The following GCM1 variants were observed in gnomAD, a reference collection of about 807,000 sequenced individuals.
The protein encoded by GCM1 is chorion-specific transcription factor GCMa.
In GCM1, 2 loss-of-function variants were observed where a neutral mutation model predicts 25.7. That is an observed-to-expected ratio of 0.08 (90% confidence interval 0.03 to 0.24). The LOEUF (loss-of-function observed/expected upper bound fraction) is 0.24, where lower values mean the gene tolerates loss of function less well. Ranked by LOEUF, GCM1 falls within the 10% of genes least tolerant of loss-of-function variation. The pLI is 1.00. For synonymous variants in GCM1, 183 were observed against 195.7 expected (o/e 0.94, Z 0.54); for missense variants, 395 against 538.7 (o/e 0.73, Z 2.64).
intron 4 of GCM1, among the ~76,000 whole-genome samples, chr6:53,131,682 AAGTC>A (rs1426130024): frequency 1.3e-5 from 2 of 152,108 alleles, no homozygotes; most frequent in African/African-American, 2.4e-5. Context: ...ACCGAGTAAA[AAGTC>A]AGAGCTGGTG....
chr6:53,135,384 T>C (rs1763783950), intron 2 of GCM1, among the ~76,000 whole-genome samples: 1 of 152,232 alleles, frequency 6.6e-6, no homozygotes, highest in African/African-American at 2.4e-5. Flanking sequence ...GTGCCTCTGT[T>C]TCTTCATCTG....
intron 2 of GCM1, among the ~76,000 whole-genome samples, chr6:53,145,084 A>T (rs2127511137): frequency 6.6e-6 from 1 of 152,312 alleles, no homozygotes; most frequent in Admixed American, 6.5e-5. Flanking sequence ...AGGAAAAAGA[A>T]AAAAGGAAGA....
At chr6:53,142,417 GGTGA>G (rs1763888986) in intron 2 of GCM1, among the ~76,000 whole-genome samples, 1 of 152,164 alleles carries the variant, frequency 6.6e-6, no homozygotes, top group Admixed American at 6.5e-5. Flanking sequence ...TGCACAGGAT[GGTGA>G]AAAAGACTCC....
At chr6:53,141,469 C>T (rs972247793) in intron 2 of GCM1, among the ~76,000 whole-genome samples, 7 of 151,968 alleles carry the variant, frequency 4.6e-5, no homozygotes, top group South Asian at 2.1e-4. Context: ...GGGTGGATCA[C>T]GAGGTCGGGA....
At position 53,142,870 on chromosome 6, in the gene GCM1, C is replaced by CAAAAAAAA. The variant is rs60718730; in HGVS notation, c.75+2680_75+2687dup. 6.7e-4 allele frequency among the ~76,000 whole-genome samples: 25 copies of CAAAAAAAA among 37,534 alleles called. 2 individuals are homozygous for CAAAAAAAA. The highest frequency in any genetic ancestry group is 1.8e-3 in the East Asian group (3 of 1,652). The allele number at this position is 37,534 out of a possible 152,430, so 24.6% of individuals were successfully genotyped here. ...AAAAGGTAAACAACTCAAGGATCTC[C>CAAAAAAAA]AAAAAAAAAAAAAAAAAAAAAAAAA... On this transcript the variant is annotated intron_variant, in intron 2 of 5. Coordinates refer to ENST00000259803, the MANE Select transcript of GCM1 (RefSeq NM_003643.4).
chr6:53,142,696 A>G (rs540277886), intron 2 of GCM1, among the ~76,000 whole-genome samples: 4 of 152,284 alleles, frequency 2.6e-5, no homozygotes, highest in South Asian at 2.1e-4. Context: ...AATGAATTCC[A>G]TATTCAACAT....
chr6:53,134,022 G>T, intron 3 of GCM1, 50 bp downstream of exon 3: 5 of 1,558,040 alleles, frequency 3.2e-6, no homozygotes, highest in Middle Eastern at 1.8e-4. Flanking sequence ...TCTGGCAGGG[G>T]CATCTGAGGG....
chr6:53,148,304 C>A (rs1763994938), intron 1 of GCM1, among the ~76,000 whole-genome samples: 1 of 151,996 alleles, frequency 6.6e-6, no homozygotes, highest in Non-Finnish European at 1.5e-5. Flanking sequence ...AAAACCTTGG[C>A]AAATAAGATT....
chr6:53,131,904 A>T (rs748638444), intron 4 of GCM1, 103 bp downstream of exon 4: 60 of 740,164 alleles, frequency 8.1e-5, no homozygotes, highest in Non-Finnish European at 1.3e-4. Flanking sequence ...TTAGAGTGTG[A>T]GCCCTCGGGG....
At chr6:53,141,379 T>C (rs1763870829) in intron 2 of GCM1, among the ~76,000 whole-genome samples, 1 of 152,152 alleles carries the variant, frequency 6.6e-6, no homozygotes, top group African/African-American at 2.4e-5. Flanking sequence ...GCAACTGGTA[T>C]TTGGGTAATC....
intron 2 of GCM1, among the ~76,000 whole-genome samples, chr6:53,144,774 G>C (rs1763929223): frequency 6.6e-6 from 1 of 151,996 alleles, no homozygotes; most frequent in Admixed American, 6.6e-5. Flanking sequence ...AATTAGCTGG[G>C]CTTGTTGGCG....
chr6:53,142,082 A>G (rs547234877), intron 2 of GCM1, among the ~76,000 whole-genome samples: 1 of 149,646 alleles, frequency 6.7e-6, no homozygotes, highest in Non-Finnish European at 1.5e-5. Flanking sequence ...AGGAGAGAGA[A>G]AGAAACTTGA....
intron 2 of GCM1, among the ~76,000 whole-genome samples, chr6:53,138,776 G>A (rs2816339): frequency 0.67 from 101,334 of 151,912 alleles, 34,549 homozygotes; most frequent in Non-Finnish European, 0.73. Context: ...TCACTGGGGG[G>A]TTAACTGATA....
At chr6:53,144,193 G>A (rs56670573) in intron 2 of GCM1, among the ~76,000 whole-genome samples, 5,591 of 152,204 alleles carry the variant, frequency 0.037, 332 homozygotes, top group African/African-American at 0.12. Context: ...AAGGTGAGAC[G>A]GAAGGGTTGT....
chr6:53,133,955 C>T, intron 3 of GCM1, 117 bp downstream of exon 3: 1 of 1,004,860 alleles, frequency 1.0e-6, no homozygotes, highest in Non-Finnish European at 1.5e-6. Flanking sequence ...CCTTGGCTGC[C>T]ACTACACTCC....
At chr6:53,141,819 C>T (rs1224429469) in intron 2 of GCM1, among the ~76,000 whole-genome samples, 1 of 151,482 alleles carries the variant, frequency 6.6e-6, no homozygotes, top group African/African-American at 2.4e-5. Context: ...GCCTGGGCAA[C>T]ATGGCAAAAC....
intron 2 of GCM1, among the ~76,000 whole-genome samples, chr6:53,140,224 T>G (rs1763855346): frequency 6.6e-6 from 1 of 152,106 alleles, no homozygotes; most frequent in Admixed American, 6.5e-5. Flanking sequence ...ATCAGAACAA[T>G]GACAACGTGA....
Position 53,127,649 on chromosome 6 carries a change from CA to C in GCM1, c.*556del. On this transcript the variant is annotated 3_prime_UTR_variant, in exon 6 of 6. Coordinates refer to ENST00000259803, the MANE Select transcript of GCM1 (RefSeq NM_003643.4). ...AAAAAGCAGAGGGCACTTCACACCCCAGACGGGACAGGTTTCCATTCCTTAC... is the reference window on the plus strand; with the variant it reads ...AAAAAGCAGAGGGCACTTCACACCCCGACGGGACAGGTTTCCATTCCTTAC... The C allele has an allele frequency of 6.6e-6, 1 of 152,402 alleles. No individual in the cohort carries two copies. The highest frequency in any genetic ancestry group is 2.4e-5 in the African/African-American group (1 of 41,550). 9.4% of individuals were successfully genotyped at this position (152,402 alleles called of 1,614,324 possible).
Position 53,138,708 on chromosome 6 carries a change from C to G in GCM1, c.76-4384G>C, listed in dbSNP as rs1003841987. On this transcript the variant is annotated intron_variant, in intron 2 of 5. Transcript: ENST00000259803. The stretch of plus-strand genomic sequence containing the variant: ...AGTTTATAATTGAAAGGGAATATTT[C>G]TGAGGTTTCCAACATGTAGACCTAG... 2.3e-4 allele frequency among the ~76,000 whole-genome samples: 35 copies of G among 152,114 alleles called. 1 individual carries two copies. Among genetic ancestry groups the G allele is most frequent in the Admixed American group, 1.2e-3 (19 of 15,268 alleles).
Sources: allele counts gnomAD v4.1 joint callset (sites outside exome capture counted in the v4.1 genomes callset), GRCh38; gene constraint gnomAD v4.1.1; transcripts MANE v1.5; gene names NCBI Gene and HGNC (gene_info 2026-07-23, HGNC 2026-07-21).